IL1RAPL1: variants seen among roughly 807,000 people sequenced by gnomAD.
IL1RAPL1 encodes interleukin 1 receptor accessory protein like 1, also known as interleukin-1 receptor accessory protein-like 1.
IL1RAPL1 carries 3 observed loss-of-function variants against 48.4 expected under a neutral mutation model. The ratio of observed to expected loss-of-function variants is 0.06; its 90% CI spans 0.03 to 0.16. IL1RAPL1 has a LOEUF of 0.16. Ranked by LOEUF, IL1RAPL1 falls within the 10% of genes least tolerant of loss-of-function variation. IL1RAPL1 has a pLI of 1.00. For synonymous variants in IL1RAPL1, 185 were observed against 187.7 expected (o/e 0.99, Z 0.12); for missense variants, 349 against 530.6 (o/e 0.66, Z 3.36).
chrX:29,361,160 C>A (rs1933370440), intron 3 of IL1RAPL1, among the ~76,000 whole-genome samples: 1 of 111,804 alleles, frequency 8.9e-6, no homozygotes, highest in South Asian at 3.7e-4. Flanking sequence ...CTGGTGTTGA[C>A]TGATGCAGGG....
At chrX:29,817,885 G>C (rs1381202757) in intron 6 of IL1RAPL1, among the ~76,000 whole-genome samples, 1 of 111,438 alleles carries the variant, frequency 9.0e-6, no homozygotes, top group Non-Finnish European at 1.9e-5. Flanking sequence ...GCAGTCCCAG[G>C]CATCATATCT....
chrX:29,827,813 G>T (rs975406935), intron 6 of IL1RAPL1, among the ~76,000 whole-genome samples: 1 of 112,272 alleles, frequency 8.9e-6, no homozygotes, highest in Non-Finnish European at 1.9e-5. Flanking sequence ...ATTAAATGAG[G>T]TAGTATATGT....
At chrX:29,106,074 C>T (rs2147467002) in intron 2 of IL1RAPL1, among the ~76,000 whole-genome samples, 1 of 112,240 alleles carries the variant, frequency 8.9e-6, no homozygotes, top group South Asian at 3.6e-4. Flanking sequence ...TCCTCATTGT[C>T]AATATGTTTT....
chrX:29,831,806 C>G (rs1242025599), intron 6 of IL1RAPL1, among the ~76,000 whole-genome samples: 1 of 111,352 alleles, frequency 9.0e-6, no homozygotes, highest in African/African-American at 3.3e-5. Context: ...CCCTACCACC[C>G]CAACAGTATT....
At chrX:29,090,911 G>A (rs958464427) in intron 2 of IL1RAPL1, among the ~76,000 whole-genome samples, 2 of 111,715 alleles carry the variant, frequency 1.8e-5, no homozygotes, top group East Asian at 2.8e-4. Flanking sequence ...CTTTTCAAAC[G>A]ATTTATATAA....
chrX:29,904,485 G>A (rs142675698), intron 6 of IL1RAPL1, among the ~76,000 whole-genome samples: 16,785 of 109,846 alleles, frequency 0.15, 1,013 homozygotes, highest in Middle Eastern at 0.2. Context: ...TTTAAGCCCC[G>A]CATGCATTAG....
intron 2 of IL1RAPL1, among the ~76,000 whole-genome samples, chrX:29,237,947 T>C (rs755764584): frequency 1.3e-3 from 145 of 112,435 alleles, no homozygotes; most frequent in African/African-American, 4.3e-3. Flanking sequence ...ATGTAATCAA[T>C]TATCTGCGTG....
At chrX:28,830,234 T>G (rs1312111640) in intron 2 of IL1RAPL1, among the ~76,000 whole-genome samples, 1 of 111,971 alleles carries the variant, frequency 8.9e-6, no homozygotes, top group Non-Finnish European at 1.9e-5. Flanking sequence ...TTTTAAATGC[T>G]TGGTAGAATA....
chrX:29,315,778 T>C (rs1932768409), intron 3 of IL1RAPL1, among the ~76,000 whole-genome samples: 1 of 111,924 alleles, frequency 8.9e-6, no homozygotes, highest in Non-Finnish European at 1.9e-5. Context: ...GCACTTGCTT[T>C]CTATGAAGAA....
intron 5 of IL1RAPL1, among the ~76,000 whole-genome samples, chrX:29,479,029 GTT>G (rs112940021): frequency 9.5e-6 from 1 of 105,269 alleles, no homozygotes; most frequent in African/African-American, 3.4e-5. Flanking sequence ...GAAAGCAGAA[GTT>G]TTTTTTTTTC....
At chrX:29,316,547 T>C (rs928600435) in intron 3 of IL1RAPL1, among the ~76,000 whole-genome samples, 3 of 112,478 alleles carry the variant, frequency 2.7e-5, no homozygotes, top group South Asian at 3.7e-4. Context: ...TTTGGTTTTA[T>C]ACATTTTATG....
intron 2 of IL1RAPL1, among the ~76,000 whole-genome samples, chrX:29,186,428 A>G (rs767503544): frequency 1.3e-4 from 15 of 111,653 alleles, no homozygotes; most frequent in Non-Finnish European, 1.9e-4. Flanking sequence ...GAACTCTGCA[A>G]TAGTAAAAAT....
chrX:29,933,854 G>C (rs751616056), intron 8 of IL1RAPL1, among the ~76,000 whole-genome samples: 2 of 110,767 alleles, frequency 1.8e-5, no homozygotes, highest in East Asian at 5.7e-4. Context: ...TGGAACGAGT[G>C]GTCAGTGTAT....
chrX:28,786,557 A>G (rs1333165955), intron 1 of IL1RAPL1, among the ~76,000 whole-genome samples: 2 of 112,199 alleles, frequency 1.8e-5, no homozygotes, highest in Non-Finnish European at 3.8e-5. Flanking sequence ...TATATATACT[A>G]TTATAATACT....
intron 6 of IL1RAPL1, among the ~76,000 whole-genome samples, chrX:29,679,674 A>G (rs1259009329): frequency 8.9e-6 from 1 of 112,363 alleles, no homozygotes; most frequent in Non-Finnish European, 1.9e-5. Context: ...TATTTACCAT[A>G]AATAATATGT....
In IL1RAPL1 at chrX:29,918,144, A is replaced by AATATAT. The variant is rs748970921; in HGVS notation, c.911+570_911+575dup. The stretch of plus-strand genomic sequence containing the variant: ...TCTCCAAAAAAAAAAAAAAAAAAAA[A>AATATAT]ATATATATATATATATATATATATA... On this transcript the variant is annotated intron_variant, in intron 7 of 10. Transcript: ENST00000378993. Among the ~76,000 whole-genome samples, 226 of 23,727 alleles carry AATATAT rather than the reference A, an allele frequency of 9.5e-3. 14 individuals carry two copies. The highest frequency in any genetic ancestry group is 0.038 in the African/African-American group (156 of 4,129). The allele number at this position is 23,727 out of a possible 115,157, so 20.6% of individuals were successfully genotyped here.
intron 2 of IL1RAPL1, among the ~76,000 whole-genome samples, chrX:29,061,471 G>T (rs918339327): frequency 8.9e-6 from 1 of 111,859 alleles, no homozygotes; most frequent in Non-Finnish European, 1.9e-5. Flanking sequence ...ATTTTGGGGG[G>T]ATGGGGGACG....
chrX:28,873,701 T>TTTTGTA (rs1276662680), intron 2 of IL1RAPL1, among the ~76,000 whole-genome samples: 1 of 107,170 alleles, frequency 9.3e-6, no homozygotes, highest in Non-Finnish European at 1.9e-5. Context: ...CCGGCTAATT[T>TTTTGTA]TTTGTATTTT....
chrX:28,784,300 G>T (rs1936452449), intron 1 of IL1RAPL1, among the ~76,000 whole-genome samples: 1 of 111,813 alleles, frequency 8.9e-6, no homozygotes, highest in African/African-American at 3.3e-5. Context: ...AGTGAAAAAT[G>T]GTTGCTTTAA....
Sources: gnomAD v4.1 joint callset for allele counts (sites outside exome capture counted in the v4.1 genomes callset) on GRCh38, gnomAD v4.1.1 for gene constraint, MANE v1.5 for transcripts, NCBI Gene and HGNC (gene_info 2026-07-23, HGNC 2026-07-21) for gene names.